PXN: variants seen among roughly 807,000 people sequenced by gnomAD.
The protein encoded by PXN is testicular tissue protein Li 134.
A neutral mutation model predicts 103.6 loss-of-function variants in PXN; 61 were observed. The observed-to-expected ratio is 0.59, with a 90% CI of 0.48 to 0.73. The LOEUF is 0.73. PXN is among the 30% of genes least tolerant of loss of function. The pLI is 0.00. For synonymous variants in PXN, 562 were observed against 607.8 expected (o/e 0.92, Z 1.11); for missense variants, 1,274 against 1,460.3 (o/e 0.87, Z 2.08).
chr12:120,222,512 C>A lies in PXN; in HGVS notation c.695+37G>T. 2 of 1,553,370 alleles carry A rather than the reference C, an allele frequency of 1.3e-6. No individual in the cohort carries two copies. The highest frequency in any genetic ancestry group is 1.7e-6 in the Non-Finnish European group (2 of 1,148,622). ...CTGGACCCGGGGCAGGCTGGGCCAGCCCTTCCCCACCTGGGGAGGGCCCAG... is the reference window on the plus strand; with the variant it reads ...CTGGACCCGGGGCAGGCTGGGCCAGACCTTCCCCACCTGGGGAGGGCCCAG... On this transcript the variant is annotated intron_variant, in intron 5 of 14. Coordinates refer to ENST00000637617, the MANE Select transcript of PXN (RefSeq NM_001385981.1). The surrounding 1 kb of genome is among the most constrained non-coding windows in gnomAD (Gnocchi z 4.7).
At chr12:120,242,680 G>A (rs1016898178) in intron 1 of PXN, among the ~76,000 whole-genome samples, 4 of 152,076 alleles carry the variant, frequency 2.6e-5, no homozygotes, top group African/African-American at 4.8e-5. Context: ...GAGGTCAGGA[G>A]TCCGAGTCCA....
rs753970930 is a variant in PXN, at chr12:120,224,247, G to A, written c.144C>T (p.Pro48=). 1.2e-5 allele frequency: 19 copies of A among 1,611,572 alleles called. No individual in the cohort carries two copies. Among genetic ancestry groups the A allele is most frequent in the South Asian group, 6.6e-5 (6 of 91,026 alleles). The change falls in exon 2 of 15, where the codon CCC becomes CCT. Residue 48 remains proline (P), a synonymous_variant. Coordinates refer to ENST00000637617, the MANE Select transcript of PXN (RefSeq NM_001385981.1). The surrounding 1 kb of genome is among the most constrained non-coding windows in gnomAD (Gnocchi z 5.0). ...CCTCGCTGGACGGGGGTGGGGGGAC[G>A]GGGGGTGGCACGGCAATCTCCTGGT... ...HTYQEIAVPP[P]VPPPPSSEAL... is the part of the protein sequence containing the mutation.
chr12:120,223,456 AAAG>A (rs1025880606), intron 3 of PXN, among the ~76,000 whole-genome samples: 10 of 150,696 alleles, frequency 6.6e-5, no homozygotes, highest in African/African-American at 2.2e-4. Context: ...AAAAAGAAAA[AAAG>A]AAGAGGGGAG....
In PXN at chr12:120,220,586, C is replaced by T. The variant is rs1884817837; in HGVS notation, c.832-495G>A. 1.3e-5 allele frequency among the ~76,000 whole-genome samples: 2 copies of T among 152,224 alleles called. No homozygotes were observed. The highest frequency in any genetic ancestry group is 2.9e-5 in the Non-Finnish European group (2 of 68,034). On this transcript the variant is annotated intron_variant, in intron 6 of 14. Transcript: ENST00000637617. This position sits in a 1 kb window ranked among gnomAD's most constrained non-coding sequence, Gnocchi z 6.1. ...AAACCACTGCTGCTTCTCCTGGCAT[C>T]AGGACACAGGCTGTCTGAGAAAACG...
intron 1 of PXN, among the ~76,000 whole-genome samples, chr12:120,249,400 A>G (rs1179361): frequency 1 from 152,036 of 152,182 alleles, 75,946 homozygotes; most frequent in Middle Eastern, 1. Context: ...CCAACAGGCC[A>G]TTAGGAGGGA....
At position 120,212,166 on chromosome 12, in the gene PXN, A is replaced by G; in HGVS notation, c.*148T>C. ...GTGAAGACAAGCAGGGGGACCCCTC[A>G]CGGCCCTCTGTCCATCCCGCACCAG... On this transcript the variant is annotated 3_prime_UTR_variant, in exon 15 of 15. Coordinates refer to ENST00000637617, the MANE Select transcript of PXN (RefSeq NM_001385981.1). This position sits in a 1 kb window ranked among gnomAD's most constrained non-coding sequence, Gnocchi z 7.2. 8.2e-7 allele frequency: 1 copy of G among 1,221,064 alleles called. No homozygotes were observed. Among genetic ancestry groups the G allele is most frequent in the Non-Finnish European group, 1.2e-6 (1 of 864,752 alleles). 75.6% of individuals were successfully genotyped at this position (1,221,064 alleles called of 1,614,324 possible). A position where few individuals can be genotyped will look rare whatever the true frequency, so the allele number is the denominator to read the frequency against.
intron 1 of PXN, chr12:120,226,226 C>T: frequency 7.9e-7 from 1 of 1,265,672 alleles, no homozygotes; most frequent in Non-Finnish European, 1.0e-6. Flanking sequence ...CCTCTTTCTC[C>T]ACCATGGGCA....
In PXN at chr12:120,214,750, C is replaced by T; in HGVS notation, c.2748+75G>A. 6.4e-7 allele frequency: 1 copy of T among 1,569,940 alleles called. No homozygotes were observed. The highest frequency in any genetic ancestry group is 8.7e-7 in the Non-Finnish European group (1 of 1,150,486). On this transcript the variant is annotated intron_variant, in intron 12 of 14. Transcript: ENST00000637617. The surrounding 1 kb of genome is among the most constrained non-coding windows in gnomAD (Gnocchi z 5.0). ...TGACCTCTCTGAGCCTCCCACGGCA[C>T]CCCCTGCATCCTCAGAGGGCTGCGG...
intron 1 of PXN, among the ~76,000 whole-genome samples, chr12:120,254,503 A>C (rs1468090792): frequency 6.6e-6 from 1 of 152,178 alleles, no homozygotes; most frequent in Admixed American, 6.5e-5. Context: ...CTATGACAAC[A>C]TGTTGTAAAC....
chr12:120,226,636 T>C, intron 1 of PXN: 1 of 1,183,726 alleles, frequency 8.4e-7, no homozygotes, highest in South Asian at 1.6e-5. Flanking sequence ...GTCAACAGGC[T>C]CTTGGGAGCA....
intron 1 of PXN, among the ~76,000 whole-genome samples, chr12:120,227,371 T>G (rs936179683): frequency 6.6e-6 from 1 of 152,028 alleles, no homozygotes; most frequent in Non-Finnish European, 1.5e-5. Flanking sequence ...TGTGGTGATA[T>G]GCGCCTGTAG....
At position 120,222,930 on chromosome 12, in the gene PXN, A is replaced by G. The variant is rs772052352; in HGVS notation, c.426T>C (p.Leu142=). The change falls in exon 4 of 15, where the codon CTT becomes CTC. Residue 142 remains leucine (L), a synonymous_variant. Transcript: ENST00000637617. The surrounding 1 kb of genome is among the most constrained non-coding windows in gnomAD (Gnocchi z 4.7). ...CCAGCAGCAGGCGGTCGAGTTCAGA[A>G]AGGTTGCTGCCCAGGGACGTGCTCA... ...TVMSTSLGSN[L]SELDRLLLEL... 103 of 1,613,828 alleles carry G rather than the reference A, an allele frequency of 6.4e-5. No homozygotes were observed. In the Admixed American group the frequency reaches 1.6e-3, roughly 26 times the overall value.
chr12:120,227,192 C>T (rs983632854), intron 1 of PXN: 106 of 979,496 alleles, frequency 1.1e-4, no homozygotes, highest in Admixed American at 3.1e-4. Flanking sequence ...ACAGTGAGAG[C>T]CTGTCTCTAC....
chr12:120,237,952 G>A (rs1889408138), intron 1 of PXN, among the ~76,000 whole-genome samples: 1 of 152,146 alleles, frequency 6.6e-6, no homozygotes. Context: ...CCCAACCCAG[G>A]GCGCTGGTGG....
chr12:120,264,527 C>T lies in PXN; in HGVS notation c.13+1090G>A, dbSNP rs971623261. 3.3e-5 allele frequency among the ~76,000 whole-genome samples: 5 copies of T among 152,214 alleles called. No homozygotes were observed. The East Asian group carries it at 9.6e-4, about 29-fold the overall frequency. On this transcript the variant is annotated intron_variant, in intron 1 of 14. Transcript: ENST00000637617. ...GCATTCCTAGAACCCTGGCACCAAC[C>T]CCCTTGGGTTTAGAGTCGGCTTCCA...
intron 1 of PXN, among the ~76,000 whole-genome samples, chr12:120,244,813 C>A (rs1890779998): frequency 6.6e-6 from 1 of 151,646 alleles, no homozygotes; most frequent in African/African-American, 2.4e-5. Flanking sequence ...CAGAGCGAGA[C>A]TCTGTCTCAA....
At chr12:120,242,014 C>T (rs1890234425) in intron 1 of PXN, among the ~76,000 whole-genome samples, 1 of 152,014 alleles carries the variant, frequency 6.6e-6, no homozygotes, top group South Asian at 2.1e-4. Flanking sequence ...ATGTTTGTTT[C>T]CTGCAGGAGG....
rs768844063 is a variant in PXN at position 120,219,682 on chromosome 12, G to A, written c.1241C>T (p.Pro414Leu). The A allele has an allele frequency of 5.0e-6, 8 of 1,589,470 alleles. No individual in the cohort carries two copies. The East Asian group carries it at 1.8e-4, about 36-fold the overall frequency. ...PCAGSTALQE[P>L]GEPQGPPASP... ...GGCTGGTGGCCCCTGGGGCTCCCCA[G>A]GCTCTTGGAGAGCTGTGCTCCCAGC... The change falls in exon 7 of 15, where the codon CCT becomes CTT. Residue 414 changes from proline to leucine, a missense_variant. Pro to Leu is a moderately conservative substitution (Grantham distance 98). Coordinates refer to ENST00000637617, the MANE Select transcript of PXN (RefSeq NM_001385981.1). The surrounding 1 kb of genome is among the most constrained non-coding windows in gnomAD (Gnocchi z 6.5).
intron 1 of PXN, chr12:120,247,841 A>G (rs564535423): frequency 6.6e-6 from 1 of 152,324 alleles, no homozygotes; most frequent in African/African-American, 2.4e-5. Flanking sequence ...TAAAAGAAAA[A>G]AAGAAAGAAA....
Sources: allele counts gnomAD v4.1 joint callset (sites outside exome capture counted in the v4.1 genomes callset), GRCh38; gene constraint gnomAD v4.1.1; non-coding constraint Gnocchi (gnomAD v3.1); transcripts MANE v1.5; gene names NCBI Gene and HGNC (gene_info 2026-07-23, HGNC 2026-07-21).